The following COG5 variants were observed in gnomAD, a reference collection of about 807,000 sequenced individuals.
The protein encoded by COG5 is component of oligomeric golgi complex 5.
A neutral mutation model predicts 110.4 loss-of-function variants in COG5; 86 were observed. The ratio of observed to expected loss-of-function variants is 0.78; its 90% confidence interval spans 0.65 to 0.93. The LOEUF (loss-of-function observed/expected upper bound fraction) is 0.93, where lower values mean the gene tolerates loss of function less well. Among genes scored for constraint, COG5 ranks in the 40% least tolerant of loss-of-function variants. COG5 has a pLI of 0.00. For missense variants in COG5, 1,077 were observed against 987.0 expected (o/e 1.09, Z -1.22); for synonymous variants, 360 against 334.6 (o/e 1.08, Z -0.83).
intron 5 of COG5, among the ~76,000 whole-genome samples, chr7:107,534,015 C>G (rs1801399952): frequency 1.3e-5 from 2 of 151,622 alleles, no homozygotes; most frequent in Admixed American, 6.5e-5. Context: ...CAATACTTAA[C>G]ATTCTTAAAG....
intron 19 of COG5, among the ~76,000 whole-genome samples, chr7:107,215,044 AGTT>A (rs1799425791): frequency 6.6e-6 from 1 of 152,078 alleles, no homozygotes; most frequent in Non-Finnish European, 1.5e-5. Context: ...AAAAATGTAG[AGTT>A]GTTGTATGTT....
At chr7:107,247,781 G>A (rs1802161777) in intron 17 of COG5, among the ~76,000 whole-genome samples, 1 of 152,210 alleles carries the variant, frequency 6.6e-6, no homozygotes, top group Non-Finnish European at 1.5e-5. Context: ...TGACATGGAT[G>A]AGCAAGACAC....
chr7:107,209,211 A>G (rs1798984803), intron 21 of COG5: 3 of 985,466 alleles, frequency 3.0e-6, no homozygotes, highest in Non-Finnish European at 3.6e-6. Context: ...GGGAGAGTTG[A>G]GAATGACTTC....
rs776637482 is a variant in COG5, at chr7:107,474,129, T to C, written c.538+53108A>G. On this transcript the variant is annotated intron_variant, in intron 6 of 21. Coordinates refer to ENST00000297135, the MANE Select transcript of COG5 (RefSeq NM_006348.5). The surrounding 1 kb of genome is among the most constrained non-coding windows in gnomAD (Gnocchi z 5.7). ...CTAACATTACAGTGCGAGATGACAT[T>C]GATGACATCAACACCAATATGTACC... The C allele has an allele frequency of 1.2e-6, 2 of 1,608,344 alleles. No individual in the cohort carries two copies. The highest frequency in any genetic ancestry group is 1.1e-5 in the South Asian group (1 of 90,776).
In COG5 at chr7:107,203,606, T is replaced by C. The variant is rs1313542107; in HGVS notation, c.2400A>G (p.Gln800=). The change falls in exon 22 of 22, where the codon CAA becomes CAG. Residue 800 remains glutamine, a synonymous_variant. Coordinates refer to ENST00000297135, the MANE Select transcript of COG5 (RefSeq NM_006348.5). The part of the protein sequence containing the change: ...LIRGALEAYV[Q]SVRSREGKEF... ...CTTTGCCTTCTCTACTTCTCACTGATTGAACATAAGCTTCCAGGGCTCCCC... is the reference window on the plus strand; with the variant it reads ...CTTTGCCTTCTCTACTTCTCACTGACTGAACATAAGCTTCCAGGGCTCCCC... 14 of 1,613,966 alleles carry C rather than the reference T, an allele frequency of 8.7e-6. No homozygotes were observed. Among genetic ancestry groups the C allele is most frequent in the Non-Finnish European group, 1.2e-5 (14 of 1,179,838 alleles).
At chr7:107,393,179 G>A (rs1790750236) in intron 7 of COG5, among the ~76,000 whole-genome samples, 1 of 152,154 alleles carries the variant, frequency 6.6e-6, no homozygotes, top group Non-Finnish European at 1.5e-5. Context: ...TACAAAGTGA[G>A]TACTTCAATT....
chr7:107,274,556 C>A (rs139055257), intron 14 of COG5, among the ~76,000 whole-genome samples: 1 of 152,146 alleles, frequency 6.6e-6, no homozygotes, highest in African/African-American at 2.4e-5. Context: ...ATTAGAGCTA[C>A]GTATAATAGA....
At chr7:107,315,237 A>T (rs1562964782) in intron 11 of COG5, among the ~76,000 whole-genome samples, 1 of 151,380 alleles carries the variant, frequency 6.6e-6, no homozygotes, top group South Asian at 2.1e-4. Context: ...TTGACTCTTT[A>T]TCACTATATG....
chr7:107,561,925 G>T (rs904651839), intron 1 of COG5, among the ~76,000 whole-genome samples: 2 of 151,968 alleles, frequency 1.3e-5, no homozygotes, highest in South Asian at 4.1e-4. Flanking sequence ...GCAGTGAGCC[G>T]AGACTGCGCC....
intron 21 of COG5, chr7:107,209,235 G>C (rs965180710): frequency 2.0e-6 from 2 of 985,328 alleles, no homozygotes; most frequent in Non-Finnish European, 2.4e-6. Flanking sequence ...AGCTATTTTA[G>C]AGACGCAACA....
At chr7:107,392,537 C>T (rs1280343200) in intron 7 of COG5, among the ~76,000 whole-genome samples, 1 of 151,728 alleles carries the variant, frequency 6.6e-6, no homozygotes, top group Non-Finnish European at 1.5e-5. Context: ...TAAAGAAAGG[C>T]CTATTTTTTA....
At chr7:107,421,849 A>G (rs1793316589) in intron 6 of COG5, among the ~76,000 whole-genome samples, 1 of 152,206 alleles carries the variant, frequency 6.6e-6, no homozygotes, top group Admixed American at 6.5e-5. Context: ...TACATTTTTA[A>G]ATAATCAAGG....
At chr7:107,263,911 G>C (rs1172149292) in intron 14 of COG5, among the ~76,000 whole-genome samples, 1 of 152,044 alleles carries the variant, frequency 6.6e-6, no homozygotes, top group East Asian at 1.9e-4. Flanking sequence ...AGGACTAAAA[G>C]TAAAAGAAAT....
At chr7:107,520,478 C>G (rs1800248026) in intron 6 of COG5, among the ~76,000 whole-genome samples, 1 of 152,126 alleles carries the variant, frequency 6.6e-6, no homozygotes, top group Non-Finnish European at 1.5e-5. Context: ...GCAAAAATCA[C>G]AAGCATTCCT....
chr7:107,474,480 A>G lies in COG5; in HGVS notation c.538+52757T>C. 1.9e-6 allele frequency: 3 copies of G among 1,613,370 alleles called. No individual in the cohort carries two copies. Among genetic ancestry groups the G allele is most frequent in the Non-Finnish European group, 2.5e-6 (3 of 1,179,566 alleles). ...ACGTTTTTGCTATCACTTTGGACAGATATGACATCTCTGTAAAACCTGCAA... is the reference window on the plus strand; with the variant it reads ...ACGTTTTTGCTATCACTTTGGACAGGTATGACATCTCTGTAAAACCTGCAA... On this transcript the variant is annotated intron_variant, in intron 6 of 21. Coordinates refer to ENST00000297135, the MANE Select transcript of COG5 (RefSeq NM_006348.5). This position sits in a 1 kb window ranked among gnomAD's most constrained non-coding sequence, Gnocchi z 5.7.
intron 19 of COG5, among the ~76,000 whole-genome samples, chr7:107,226,713 T>G (rs1488892620): frequency 1.3e-5 from 2 of 152,222 alleles, no homozygotes; most frequent in Non-Finnish European, 2.9e-5. Flanking sequence ...AGGGCTGGAT[T>G]TGAACCCCTT....
chr7:107,535,508 T>C (rs1801520529), intron 5 of COG5, among the ~76,000 whole-genome samples: 1 of 148,758 alleles, frequency 6.7e-6, no homozygotes, highest in South Asian at 2.1e-4. Context: ...AAATACAAAC[T>C]ACCATCACAG....
intron 6 of COG5, among the ~76,000 whole-genome samples, chr7:107,514,496 T>C (rs1446206798): frequency 1.3e-5 from 2 of 152,192 alleles, no homozygotes; most frequent in South Asian, 4.1e-4. Context: ...ACAATAATAA[T>C]GTGATTTTTT....
At chr7:107,340,201 G>C (rs921228086) in intron 10 of COG5, among the ~76,000 whole-genome samples, 3 of 151,888 alleles carry the variant, frequency 2.0e-5, no homozygotes, top group South Asian at 2.1e-4. Flanking sequence ...CATTACAACC[G>C]ATCCCACAGA....
Sources: gnomAD v4.1 joint callset for allele counts (sites outside exome capture counted in the v4.1 genomes callset) on GRCh38, gnomAD v4.1.1 for gene constraint, Gnocchi (gnomAD v3.1) non-coding constraint, MANE v1.5 for transcripts, NCBI Gene and HGNC (gene_info 2026-07-23, HGNC 2026-07-21) for gene names.